Variants in RAB3C observed in about 807,000 individuals in gnomAD.
RAB3C encodes the protein RAB3C, member RAS oncogene family.
Under a neutral mutation model 26.4 loss-of-function variants are expected in RAB3C, and 17 were observed. That is an observed-to-expected ratio of 0.64 (90% CI 0.44 to 0.97). The LOEUF is 0.97. RAB3C is among the 50% of genes least tolerant of loss of function. The probability of loss-of-function intolerance (pLI) is 0.00; values close to 1 mark genes in which losing one functional copy is unlikely to be tolerated. For missense variants in RAB3C, 242 were observed against 281.9 expected (o/e 0.86, Z 1.01); for synonymous variants, 91 against 95.9 (o/e 0.95, Z 0.30).
At chr5:58,724,677 C>G (rs1031196776) in intron 2 of RAB3C, among the ~76,000 whole-genome samples, 2 of 151,442 alleles carry the variant, frequency 1.3e-5, no homozygotes, top group African/African-American at 4.8e-5. Flanking sequence ...TGAGCGGGTT[C>G]TTTACCAAAA....
In RAB3C at chr5:58,718,444, A is replaced by C. The variant is rs146821491; in HGVS notation, c.253-7558A>C. 3.0e-3 allele frequency among the ~76,000 whole-genome samples: 461 copies of C among 152,172 alleles called. 1 individual carries two copies. Among genetic ancestry groups the C allele is most frequent in the African/African-American group, 0.01 (436 of 41,546 alleles). ...TGGAGTCAAAGGCCCCTTATAAAAA[A>C]GCTATCTATGGCTTTTCCTCTCTTC... On this transcript the variant is annotated intron_variant, in intron 2 of 4. Coordinates refer to ENST00000282878, the MANE Select transcript of RAB3C (RefSeq NM_138453.4).
chr5:58,686,579 G>C (rs199552154), intron 2 of RAB3C, among the ~76,000 whole-genome samples: 4 of 151,706 alleles, frequency 2.6e-5, no homozygotes, highest in Non-Finnish European at 2.9e-5. Context: ...ATTATGGCTT[G>C]TGAGTCCTGT....
At chr5:58,787,936 A>G (rs752080757) in intron 3 of RAB3C, among the ~76,000 whole-genome samples, 6 of 152,148 alleles carry the variant, frequency 3.9e-5, no homozygotes, top group Non-Finnish European at 7.3e-5. Context: ...AACAGACATC[A>G]AGACTTTTCT....
intron 2 of RAB3C, among the ~76,000 whole-genome samples, chr5:58,622,826 T>C (rs1746964654): frequency 6.6e-6 from 1 of 152,132 alleles, no homozygotes; most frequent in Non-Finnish European, 1.5e-5. Context: ...TTGCCCAAGG[T>C]TATAGTCACA....
At chr5:58,850,277 T>G (rs551606735) in intron 4 of RAB3C, among the ~76,000 whole-genome samples, 102 of 152,360 alleles carry the variant, frequency 6.7e-4, no homozygotes, top group African/African-American at 2.5e-3. Context: ...TAACAATCTC[T>G]GGCAGCTCAT....
chr5:58,802,451 T>C (rs1742832163), intron 3 of RAB3C, among the ~76,000 whole-genome samples: 1 of 152,294 alleles, frequency 6.6e-6, no homozygotes, highest in East Asian at 1.9e-4. Context: ...CATGCAGAGT[T>C]TGCAGAAAGA....
At chr5:58,745,347 G>A (rs894079832) in intron 3 of RAB3C, among the ~76,000 whole-genome samples, 7 of 127,342 alleles carry the variant, frequency 5.5e-5, no homozygotes, top group Non-Finnish European at 1.1e-4. Flanking sequence ...GCATTGAGCC[G>A]ATTGCACCAC....
In RAB3C at chr5:58,857,563, A is replaced by T. The variant is rs1279901029; in HGVS notation, c.*6212A>T. 6.6e-6 allele frequency: 1 copy of T among 152,206 alleles called. No individual in the cohort carries two copies. The highest frequency in any genetic ancestry group is 1.5e-5 in the Non-Finnish European group (1 of 68,018). The allele number at this position is 152,206 out of a possible 1,614,324, so 9.4% of individuals were successfully genotyped here. On this transcript the variant is annotated 3_prime_UTR_variant, in exon 5 of 5. Transcript: ENST00000282878. ...GGTTGATCACATGACATGTCTACTA[A>T]GAATTTTCACCTCTGTACTTGTATG...
chr5:58,700,567 G>A (rs1333501253), intron 2 of RAB3C, among the ~76,000 whole-genome samples: 1 of 152,132 alleles, frequency 6.6e-6, no homozygotes, highest in African/African-American at 2.4e-5. Context: ...GTGTTTATCT[G>A]CAAAGCAAAA....
chr5:58,659,827 A>G (rs158956), intron 2 of RAB3C, among the ~76,000 whole-genome samples: 22,974 of 152,234 alleles, frequency 0.15, 2,021 homozygotes, highest in Middle Eastern at 0.24. Context: ...GTTTTGAGAC[A>G]AGGTCTGGCT....
At chr5:58,634,613 C>T (rs979979991) in intron 2 of RAB3C, among the ~76,000 whole-genome samples, 4 of 152,164 alleles carry the variant, frequency 2.6e-5, no homozygotes, top group Admixed American at 6.5e-5. Context: ...AAAAATTCAA[C>T]ATCCAATCTC....
chr5:58,806,098 A>G (rs1183637379), intron 3 of RAB3C, among the ~76,000 whole-genome samples: 2 of 152,198 alleles, frequency 1.3e-5, no homozygotes, highest in African/African-American at 2.4e-5. Context: ...TGAACTGAAC[A>G]TTAGCCTAGA....
At chr5:58,710,599 A>AAAATAAATAAAT (rs1554048943) in intron 2 of RAB3C, among the ~76,000 whole-genome samples, 27 of 135,572 alleles carry the variant, frequency 2.0e-4, no homozygotes, top group African/African-American at 6.4e-4. Flanking sequence ...ACTCTGTCTC[A>AAAATAAATAAAT]AAATAAATAA....
chr5:58,787,152 C>A (rs184756806), intron 3 of RAB3C, among the ~76,000 whole-genome samples: 4 of 152,224 alleles, frequency 2.6e-5, no homozygotes, highest in Non-Finnish European at 5.9e-5. Context: ...TACACACCTG[C>A]CCCATGGGAA....
intron 3 of RAB3C, among the ~76,000 whole-genome samples, chr5:58,808,613 AATTT>A (rs1477445433): frequency 2.6e-5 from 4 of 152,186 alleles, no homozygotes; most frequent in Non-Finnish European, 4.4e-5. Context: ...ACAATTAAGA[AATTT>A]ATAATGAGGT....
intron 2 of RAB3C, among the ~76,000 whole-genome samples, chr5:58,713,642 T>C (rs761511540): frequency 6.6e-6 from 1 of 152,208 alleles, no homozygotes; most frequent in Non-Finnish European, 1.5e-5. Context: ...CATTCAACTC[T>C]TTAGAATTGA....
chr5:58,717,962 A>G (rs1749206732), intron 2 of RAB3C, among the ~76,000 whole-genome samples: 1 of 152,086 alleles, frequency 6.6e-6, no homozygotes, highest in Admixed American at 6.6e-5. Flanking sequence ...TTAGTTGCCT[A>G]TTTTAGGGCA....
rs552090354 is a variant in RAB3C, at chr5:58,714,083, A to G, written c.253-11919A>G. 7.9e-5 allele frequency among the ~76,000 whole-genome samples: 12 copies of G among 152,336 alleles called. No individual in the cohort carries two copies. In the East Asian group the frequency reaches 2.1e-3, roughly 27 times the overall value. ...AAAAGAAGCTCCTAAAAGTAGCTTC[A>G]GAGTAATGATAGTTCATATGTTGGG... On this transcript the variant is annotated intron_variant, in intron 2 of 4. Coordinates refer to ENST00000282878, the MANE Select transcript of RAB3C (RefSeq NM_138453.4).
intron 2 of RAB3C, among the ~76,000 whole-genome samples, chr5:58,678,935 C>CT (rs918913174): frequency 4.0e-4 from 60 of 151,620 alleles, no homozygotes; most frequent in South Asian, 3.1e-3. Flanking sequence ...TCCAAAAAGA[C>CT]TTTTTGTTTT....
Sources: allele counts gnomAD v4.1 joint callset (sites outside exome capture counted in the v4.1 genomes callset), GRCh38; gene constraint gnomAD v4.1.1; transcripts MANE v1.5; gene names NCBI Gene and HGNC (gene_info 2026-07-23, HGNC 2026-07-21).